The following BDKRB2 variants were observed in gnomAD, a reference collection of about 807,000 sequenced individuals.
BDKRB2 encodes the protein B2 bradykinin receptor.
A neutral mutation model predicts 4.0 loss-of-function variants in BDKRB2; 6 were observed. That is an observed-to-expected ratio of 1.49 (90% CI 0.81 to 2.93). BDKRB2 has a LOEUF of 2.93. Ranked by LOEUF, BDKRB2 falls within the 30% of genes most tolerant of loss-of-function variation. The probability of loss-of-function intolerance (pLI) is 0.00; values close to 1 mark genes in which losing one functional copy is unlikely to be tolerated. For missense variants in BDKRB2, 478 were observed against 520.1 expected (o/e 0.92, Z 0.79); for synonymous variants, 225 against 215.3 (o/e 1.05, Z -0.40).
intron 1 of BDKRB2, among the ~76,000 whole-genome samples, chr14:96,206,403 C>T (rs974221837): frequency 1.3e-5 from 2 of 152,180 alleles, no homozygotes; most frequent in African/African-American, 2.4e-5. Flanking sequence ...GCCAGCCCTT[C>T]GCTCAGTGTC....
intron 1 of BDKRB2, among the ~76,000 whole-genome samples, chr14:96,207,226 C>T (rs1389743997): frequency 2.0e-5 from 3 of 152,012 alleles, no homozygotes; most frequent in Non-Finnish European, 2.9e-5. Context: ...GATGCCTAGC[C>T]CAACATGGAT....
chr14:96,238,545 C>T, intron 2 of BDKRB2: 1 of 985,726 alleles, frequency 1.0e-6, no homozygotes, highest in Non-Finnish European at 1.2e-6. Flanking sequence ...GGCAAAGCCT[C>T]ACTTCCTTAG....
intron 1 of BDKRB2, among the ~76,000 whole-genome samples, chr14:96,230,594 A>G (rs1002067174): frequency 6.9e-6 from 1 of 144,238 alleles, no homozygotes; most frequent in Non-Finnish European, 1.5e-5. Flanking sequence ...GGGGCTTAAT[A>G]TTAGTTTTAA....
At position 96,242,967 on chromosome 14, in the gene BDKRB2, G is replaced by A. The variant is rs200449848; in HGVS notation, c.*1463G>A. ...TAAATGAATATTTATTAGCTGGTTG[G>A]AGAGCTAGAACCTGGAGAGCTAGAA... On this transcript the variant is annotated 3_prime_UTR_variant, in exon 3 of 3. Coordinates refer to ENST00000554311, the MANE Select transcript of BDKRB2 (RefSeq NM_001379692.1). 3.3e-5 allele frequency: 5 copies of A among 152,958 alleles called. No homozygotes were observed. The highest frequency in any genetic ancestry group is 5.8e-5 in the Non-Finnish European group (4 of 68,658). 9.5% of individuals were successfully genotyped at this position (152,958 alleles called of 1,614,324 possible). A position where few individuals can be genotyped will look rare whatever the true frequency, so the allele number is the denominator to read the frequency against.
chr14:96,230,091 G>T (rs1050435086), intron 1 of BDKRB2, among the ~76,000 whole-genome samples: 10 of 151,750 alleles, frequency 6.6e-5, no homozygotes, highest in African/African-American at 2.4e-4. Flanking sequence ...CCGAGATCAT[G>T]CCACTGCACT....
Position 96,209,524 on chromosome 14 carries a change from T to G in BDKRB2, c.-40+4565T>G, listed in dbSNP as rs542897603. 7.2e-5 allele frequency among the ~76,000 whole-genome samples: 11 copies of G among 152,004 alleles called. No individual in the cohort carries two copies. In the South Asian group the frequency reaches 2.3e-3, roughly 32 times the overall value. ...TATTCAAAGGGAAAAAAGCAGGCAG[T>G]AGGGGAAAGAAGGAAAAATCGGGGG... On this transcript the variant is annotated intron_variant, in intron 1 of 2. Transcript: ENST00000554311.
At chr14:96,223,180 C>T in intron 1 of BDKRB2, 1 of 1,148,898 alleles carries the variant, frequency 8.7e-7, no homozygotes, top group Non-Finnish European at 1.3e-6. Flanking sequence ...TGTCATGCTG[C>T]CCAAGGACAT....
chr14:96,238,216 T>G, intron 2 of BDKRB2: 2 of 631,238 alleles, frequency 3.2e-6, no homozygotes, highest in Non-Finnish European at 4.0e-6. Context: ...GGATCCACTT[T>G]CAAGGTGGCA....
intron 2 of BDKRB2, chr14:96,238,060 T>C (rs1890978969): frequency 1.9e-6 from 2 of 1,078,360 alleles, no homozygotes; most frequent in Non-Finnish European, 2.3e-6. Flanking sequence ...CAGAGGACTC[T>C]GGAAAGGAGG....
chr14:96,241,003 C>T lies in BDKRB2; in HGVS notation c.675C>T (p.Asn225=). The T allele has an allele frequency of 3.1e-6, 5 of 1,602,558 alleles. No individual in the cohort carries two copies. Among genetic ancestry groups the T allele is most frequent in the Non-Finnish European group, 4.3e-6 (5 of 1,171,618 alleles). The change falls in exon 3 of 3, where the codon AAC becomes AAT. Residue 225 remains asparagine (N), a synonymous_variant. Coordinates refer to ENST00000554311, the MANE Select transcript of BDKRB2 (RefSeq NM_001379692.1). ...YPSLIWEVFT[N]MLLNVVGFLL... is the part of the protein sequence containing the mutation. ...CCCTCATCTGGGAAGTGTTCACCAACATGCTCCTGAATGTCGTGGGCTTCC... is the reference window on the plus strand; with the variant it reads ...CCCTCATCTGGGAAGTGTTCACCAATATGCTCCTGAATGTCGTGGGCTTCC...
chr14:96,239,185 C>T (rs1032060094), intron 2 of BDKRB2: 35 of 985,250 alleles, frequency 3.6e-5, no homozygotes, highest in Non-Finnish European at 4.2e-5. Context: ...TGGGAAAATG[C>T]CCAATGAGTC....
rs201474162 is a variant in BDKRB2, at chr14:96,240,843, G to T, written c.515G>T (p.Arg172Leu). ...TMSMGRMRGV[R>L]WAKLYSLVIW... ...TCCATGGGCCGGATGCGCGGCGTGC[G>T]CTGGGCCAAGCTCTACAGCTTGGTG... The change falls in exon 3 of 3, where the codon CGC (arginine) becomes CTC (leucine). Residue 172 changes from arginine to leucine, a missense_variant. Coordinates refer to ENST00000554311, the MANE Select transcript of BDKRB2 (RefSeq NM_001379692.1). 1 of 1,566,052 alleles carries T rather than the reference G, an allele frequency of 6.4e-7. No individual in the cohort carries two copies. Among genetic ancestry groups the T allele is most frequent in the South Asian group, 1.2e-5 (1 of 80,992 alleles).
At chr14:96,216,732 GA>G (rs1177804409) in intron 1 of BDKRB2, among the ~76,000 whole-genome samples, 1 of 101,508 alleles carries the variant, frequency 9.9e-6, no homozygotes, top group African/African-American at 3.7e-5. Flanking sequence ...GGAGGAGGAG[GA>G]AGGAGGAGGA....
intron 1 of BDKRB2, among the ~76,000 whole-genome samples, chr14:96,234,404 C>T (rs1566694491): frequency 6.6e-6 from 1 of 152,178 alleles, no homozygotes; most frequent in African/African-American, 2.4e-5. Context: ...CTCCCTCTCA[C>T]CCTCCCTCAG....
intron 2 of BDKRB2, chr14:96,238,568 A>G (rs1885174099): frequency 1.0e-6 from 1 of 985,706 alleles, no homozygotes; most frequent in African/African-American, 1.7e-5. Flanking sequence ...CCCAGTGAAG[A>G]CCACGCTTAC....
rs187069682 is a variant in BDKRB2 at position 96,233,177 on chromosome 14, T to G, written c.-39-3892T>G. ...AGGTAGTTAGGACCAGGACTACAGG[T>G]GTGTGCCACCACGCTCACCTAATTT... On this transcript the variant is annotated intron_variant, in intron 1 of 2. Transcript: ENST00000554311. Among the ~76,000 whole-genome samples, 13 of 152,180 alleles carry G rather than the reference T, an allele frequency of 8.5e-5. No individual in the cohort carries two copies. In the East Asian group the frequency reaches 2.1e-3, roughly 25 times the overall value.
intron 1 of BDKRB2, among the ~76,000 whole-genome samples, chr14:96,220,280 T>C (rs942043718): frequency 6.6e-6 from 1 of 151,852 alleles, no homozygotes; most frequent in Non-Finnish European, 1.5e-5. Flanking sequence ...TTTTAAAAAG[T>C]GTCTATCAGG....
chr14:96,218,234 G>A (rs182437484), intron 1 of BDKRB2, among the ~76,000 whole-genome samples: 2 of 152,248 alleles, frequency 1.3e-5, no homozygotes, highest in Admixed American at 1.3e-4. Flanking sequence ...CCTCTCAGAG[G>A]TTTAGTTTCC....
intron 1 of BDKRB2, among the ~76,000 whole-genome samples, chr14:96,205,192 A>T (rs1047357568): frequency 1.1e-4 from 16 of 152,144 alleles, no homozygotes; most frequent in Admixed American, 5.2e-4. Flanking sequence ...TCTTCTCTGA[A>T]TCAAGGTGAC....
Sources: allele counts gnomAD v4.1 joint callset (sites outside exome capture counted in the v4.1 genomes callset), GRCh38; gene constraint gnomAD v4.1.1; transcripts MANE v1.5; gene names NCBI Gene and HGNC (gene_info 2026-07-23, HGNC 2026-07-21).